Variants in GRIP1 observed in about 807,000 individuals in gnomAD.
GRIP1 encodes glutamate receptor-interacting protein 1.
In GRIP1, 45 loss-of-function variants were observed where a neutral mutation model predicts 129.9. The ratio of observed to expected loss-of-function variants is 0.35; its 90% confidence interval spans 0.27 to 0.44. The LOEUF (loss-of-function observed/expected upper bound fraction) is 0.44, where lower values mean the gene tolerates loss of function less well. Ranked by LOEUF, GRIP1 falls within the 20% of genes least tolerant of loss-of-function variation. The pLI, the probability that GRIP1 is intolerant of heterozygous loss-of-function variation, is 1.00. For synonymous variants in GRIP1, 530 were observed against 520.8 expected, an observed-to-expected ratio of 1.02 and a Z score of -0.24; for missense variants, 1,196 against 1,396.8, an observed-to-expected ratio of 0.86 and a Z score of 2.29.
chr12:66,642,484 C>A (rs796439716), intron 1 of GRIP1, among the ~76,000 whole-genome samples: 3 of 152,034 alleles, frequency 2.0e-5, no homozygotes, highest in African/African-American at 7.2e-5. Flanking sequence ...GCCAGGTCAC[C>A]AATGAGACTA....
At chr12:66,423,370 C>T (rs1205807568) in intron 14 of GRIP1, among the ~76,000 whole-genome samples, 1 of 152,166 alleles carries the variant, frequency 6.6e-6, no homozygotes, top group African/African-American at 2.4e-5. Flanking sequence ...TTTATTGTTG[C>T]TATTATTGTT....
rs145755931 is a variant in GRIP1 at position 66,363,951 on chromosome 12, A to G, written c.3012+7743T>C. Among the ~76,000 whole-genome samples the G allele has an allele frequency of 1.8e-4, 27 of 152,274 alleles. No individual in the cohort carries two copies. The East Asian group carries it at 4.6e-3, about 26-fold the overall frequency. On this transcript the variant is annotated intron_variant, in intron 23 of 24. Coordinates refer to ENST00000359742, the MANE Select transcript of GRIP1 (RefSeq NM_001366722.1). ...TAATAATGTATATTTCAAAATCGCT[A>G]AAAGAGAAAATTTTAAATGTGGTGG... is the stretch of plus-strand genomic sequence containing the variant.
chr12:66,566,821 G>A (rs1400046285), intron 2 of GRIP1, among the ~76,000 whole-genome samples: 1 of 152,120 alleles, frequency 6.6e-6, no homozygotes, highest in Non-Finnish European at 1.5e-5. Flanking sequence ...CCTGTTATTG[G>A]TCTATTCAGG....
chr12:66,919,205 T>A (rs2137351456), intron 1 of GRIP1, among the ~76,000 whole-genome samples: 1 of 152,358 alleles, frequency 6.6e-6, no homozygotes, highest in Non-Finnish European at 1.5e-5. Context: ...AGACAGTTTT[T>A]GACCCAAGAA....
chr12:66,524,714 T>C (rs1303980984), intron 5 of GRIP1, among the ~76,000 whole-genome samples: 5 of 152,056 alleles, frequency 3.3e-5, no homozygotes, highest in African/African-American at 2.4e-5. Context: ...CACAAAAAAC[T>C]CTTCAAAAAA....
intron 7 of GRIP1, among the ~76,000 whole-genome samples, chr12:66,500,983 AATGCT>A (rs2060376738): frequency 6.6e-6 from 1 of 152,200 alleles, no homozygotes; most frequent in Non-Finnish European, 1.5e-5. Context: ...TCCTTACCAA[AATGCT>A]CTGACCTCCT....
At chr12:66,884,901 G>A (rs1048003080) in intron 1 of GRIP1, among the ~76,000 whole-genome samples, 1 of 152,144 alleles carries the variant, frequency 6.6e-6, no homozygotes, top group Non-Finnish European at 1.5e-5. Context: ...TGAGAGGACA[G>A]GGCCAGGAAA....
intron 1 of GRIP1, among the ~76,000 whole-genome samples, chr12:66,979,252 A>AAAAAAC (rs772753895): frequency 0.02 from 2,232 of 110,120 alleles, 109 homozygotes; most frequent in Non-Finnish European, 0.033. Flanking sequence ...AAAAAAAAAA[A>AAAAAAC]AACAAGCCCG....
intron 1 of GRIP1, among the ~76,000 whole-genome samples, chr12:66,779,277 C>G (rs1253667661): frequency 6.6e-6 from 1 of 152,066 alleles, no homozygotes; most frequent in Non-Finnish European, 1.5e-5. Flanking sequence ...ATAAGAACCT[C>G]TTGAAAATAA....
intron 15 of GRIP1, 44 bp from the exon 16 acceptor site, chr12:66,406,472 T>G: frequency 6.3e-7 from 1 of 1,587,698 alleles, no homozygotes; most frequent in Non-Finnish European, 8.7e-7. Flanking sequence ...GATGAGCACT[T>G]AACTAGGCCA....
chr12:66,930,055 CTT>C (rs202119349), intron 1 of GRIP1, among the ~76,000 whole-genome samples: 2,273 of 128,676 alleles, frequency 0.018, 78 homozygotes, highest in African/African-American at 0.061. Flanking sequence ...CTCTCTCTCT[CTT>C]TTTTTTTTTT....
intron 1 of GRIP1, among the ~76,000 whole-genome samples, chr12:66,946,766 C>CGGGGGGGGGGGG (rs1325489279): frequency 1.9e-4 from 1 of 5,294 alleles, no homozygotes; most frequent in African/African-American, 6.5e-4. Context: ...CAGCGGGGGT[C>CGGGGGGGGGGGG]GGGGGGTGGG....
rs1014862587 is a variant in GRIP1 at position 66,768,733 on chromosome 12, T to G, written c.-420+35320A>C. The stretch of plus-strand genomic sequence containing the variant: ...TCTATCCTTTTGATATGGTGATATT[T>G]TATTAGTGGTGACTGAGGACAAAAG... On this transcript the variant is annotated intron_variant, in intron 1 of 4. Coordinates refer to the GRIP1 transcript ENST00000538373. Among the ~76,000 whole-genome samples the G allele has an allele frequency of 2.0e-5, 3 of 152,286 alleles. No homozygotes were observed. The East Asian group carries it at 5.8e-4, about 29-fold the overall frequency.
intron 1 of GRIP1, among the ~76,000 whole-genome samples, chr12:66,660,823 T>C (rs1400020000): frequency 6.6e-6 from 1 of 152,144 alleles, no homozygotes; most frequent in African/African-American, 2.4e-5. Context: ...ATATGGGCTA[T>C]GCCCATTAGA....
chr12:67,020,481 C>T (rs1386466662), intron 1 of GRIP1, among the ~76,000 whole-genome samples: 4 of 152,144 alleles, frequency 2.6e-5, no homozygotes, highest in African/African-American at 9.7e-5. Context: ...AATCATAGCT[C>T]ACTGCAGTCT....
intron 1 of GRIP1, among the ~76,000 whole-genome samples, chr12:67,049,727 AT>A (rs1394520889): frequency 2.7e-5 from 4 of 150,396 alleles, no homozygotes; most frequent in Admixed American, 6.6e-5. Context: ...TTAAAGTACA[AT>A]TAAAAAAAAA....
At position 66,815,846 on chromosome 12, in the gene GRIP1, TTCTTTCTTTCTCTC is replaced by T. The variant is rs796972842; in HGVS notation, c.59-218933_59-218920del. 6.3e-3 allele frequency among the ~76,000 whole-genome samples: 303 copies of T among 48,098 alleles called. 2 individuals carry two copies. The Middle Eastern group carries it at 0.065, about 10-fold the overall frequency. 31.6% of individuals were successfully genotyped at this position (48,098 alleles called of 152,430 possible). The stretch of plus-strand genomic sequence containing the variant: ...TTTCTTTCTTTCTTTCTTTCTTTCT[TTCTTTCTTTCTCTC>T]TCTCTCTCTCTCTCTCTCTCTTTCT... On this transcript the variant is annotated intron_variant, in intron 1 of 1. Coordinates refer to the GRIP1 transcript ENST00000643019.
At chr12:66,686,644 A>T (rs1376346317) in intron 1 of GRIP1, among the ~76,000 whole-genome samples, 1 of 151,988 alleles carries the variant, frequency 6.6e-6, no homozygotes, top group Non-Finnish European at 1.5e-5. Flanking sequence ...TTAAGAATGC[A>T]TATATTAAAA....
At chr12:66,584,240 A>G (rs2063520938) in intron 2 of GRIP1, among the ~76,000 whole-genome samples, 1 of 145,418 alleles carries the variant, frequency 6.9e-6, no homozygotes, top group Non-Finnish European at 1.5e-5. Flanking sequence ...GGGGAACATC[A>G]CACTCTGGGG....
Sources: allele counts gnomAD v4.1 joint callset (sites outside exome capture counted in the v4.1 genomes callset), GRCh38; gene constraint gnomAD v4.1.1; transcripts MANE v1.5; gene names NCBI Gene and HGNC (gene_info 2026-07-23, HGNC 2026-07-21).